Variants in AK2 observed in about 807,000 individuals in gnomAD.
The protein encoded by AK2 is adenylate kinase 2.
A neutral mutation model predicts 24.6 loss-of-function variants in AK2; 15 were observed. That is an observed-to-expected ratio of 0.61 (90% CI 0.41 to 0.94). The LOEUF (loss-of-function observed/expected upper bound fraction) is 0.94, where lower values mean the gene tolerates loss of function less well. Ranked by LOEUF, AK2 falls within the 40% of genes least tolerant of loss-of-function variation. The pLI, the probability that AK2 is intolerant of heterozygous loss-of-function variation, is 0.00. For synonymous variants in AK2, 102 were observed against 114.0 expected, an observed-to-expected ratio of 0.90 and a Z score of 0.67; for missense variants, 257 against 304.1, an observed-to-expected ratio of 0.85 and a Z score of 1.15.
chr1:33,014,157 C>T (rs757583973), intron 5 of AK2, among the ~76,000 whole-genome samples: 2 of 152,182 alleles, frequency 1.3e-5, no homozygotes, highest in Non-Finnish European at 2.9e-5. Context: ...AACTTCTCTT[C>T]AGTGCCACAC....
Position 33,009,383 on chromosome 1 carries a change from G to A in AK2, c.*3798C>T. ...AGAGTGTTAAAGAAGCAACTGAAAA[G>A]GTAGTCAAAGATCTGGCTTAAGGAT... On this transcript the variant is annotated 3_prime_UTR_variant, in exon 6 of 6. Coordinates refer to ENST00000672715, the MANE Select transcript of AK2 (RefSeq NM_001625.4). 2.2e-6 allele frequency: 1 copy of A among 454,058 alleles called. No individual in the cohort carries two copies. The highest frequency in any genetic ancestry group is 4.4e-6 in the Non-Finnish European group (1 of 226,776). 28.1% of individuals were successfully genotyped at this position (454,058 alleles called of 1,614,324 possible).
chr1:33,034,220 C>T (rs1435278000), intron 1 of AK2, among the ~76,000 whole-genome samples: 1 of 152,210 alleles, frequency 6.6e-6, no homozygotes, highest in East Asian at 1.9e-4. Context: ...CTAATCACAT[C>T]TCCTCTATTT....
In AK2 at chr1:33,010,092, C is replaced by T. The variant is rs1176976764; in HGVS notation, c.*3089G>A. ...GATGACATAGCTTAGGACACTTGCT[C>T]ATTTATTTAAAAGAGTCCCTTCACA... On this transcript the variant is annotated 3_prime_UTR_variant, in exon 6 of 6. Coordinates refer to ENST00000672715, the MANE Select transcript of AK2 (RefSeq NM_001625.4). 2 of 454,494 alleles carry T rather than the reference C, an allele frequency of 4.4e-6. No homozygotes were observed. The highest frequency in any genetic ancestry group is 8.8e-6 in the Non-Finnish European group (2 of 226,810). 28.2% of individuals were successfully genotyped at this position (454,494 alleles called of 1,614,324 possible). A position where few individuals can be genotyped will look rare whatever the true frequency, so the allele number is the denominator to read the frequency against.
chr1:33,015,586 T>C (rs1445792200), intron 4 of AK2, among the ~76,000 whole-genome samples: 3 of 152,232 alleles, frequency 2.0e-5, no homozygotes, highest in African/African-American at 7.2e-5. Context: ...TTTTTCACCA[T>C]TTGGCAGGCA....
intron 1 of AK2, among the ~76,000 whole-genome samples, chr1:33,036,357 T>A (rs1321373515): frequency 2.6e-5 from 4 of 151,960 alleles, no homozygotes; most frequent in Non-Finnish European, 5.9e-5. Context: ...ACAATTCACC[T>A]CCAACTCGCA....
chr1:33,011,179 G>T lies in AK2; in HGVS notation c.*2002C>A, dbSNP rs1638797467. On this transcript the variant is annotated 3_prime_UTR_variant, in exon 6 of 6. Transcript: ENST00000672715. ...GCACATAAAATTAGCAAACATTCAA[G>T]AACCTCAACTTTGAGGCCAAGTGCT... 7.6e-7 allele frequency: 1 copy of T among 1,318,066 alleles called. No individual in the cohort carries two copies. Among genetic ancestry groups the T allele is most frequent in the Non-Finnish European group, 9.8e-7 (1 of 1,022,832 alleles). The allele number at this position is 1,318,066 out of a possible 1,614,324, so 81.6% of individuals were successfully genotyped here.
At chr1:33,036,649 C>T (rs1640600353) in intron 1 of AK2, 87 bp downstream of exon 1, 1 of 1,295,800 alleles carries the variant, frequency 7.7e-7, no homozygotes, top group Admixed American at 2.0e-5. Context: ...CGGCCCGCTC[C>T]GGGCAGGTCC....
At position 33,008,392 on chromosome 1, in the gene AK2, G is replaced by T; in HGVS notation, c.*4789C>A. 2.2e-6 allele frequency: 1 copy of T among 454,106 alleles called. No individual in the cohort carries two copies. The highest frequency in any genetic ancestry group is 1.6e-5 in the South Asian group (1 of 64,480). 28.1% of individuals were successfully genotyped at this position (454,106 alleles called of 1,614,324 possible). On this transcript the variant is annotated 3_prime_UTR_variant, in exon 6 of 6. Coordinates refer to ENST00000672715, the MANE Select transcript of AK2 (RefSeq NM_001625.4). ...TTCTGAGGAGGCTGCTCTCCATCCT[G>T]CTGTGTTCTGTCAGTGACACTTTGT...
At chr1:33,014,474 GA>G (rs1557613110) in intron 5 of AK2, 47 bp downstream of exon 5, 2 of 1,416,542 alleles carry the variant, frequency 1.4e-6, no homozygotes, top group Non-Finnish European at 2.0e-6. Flanking sequence ...AAACAGTGAA[GA>G]AAGGGGAAGG....
Position 33,013,135 on chromosome 1 carries a change from C to T in AK2, c.*46G>A, listed in dbSNP as rs1408301864. 6.2e-7 allele frequency: 1 copy of T among 1,613,840 alleles called. No homozygotes were observed. Among genetic ancestry groups the T allele is most frequent in the African/African-American group, 1.3e-5 (1 of 74,920 alleles). On this transcript the variant is annotated 3_prime_UTR_variant, in exon 6 of 6. Transcript: ENST00000672715. ...TCTTTGCCTGTCCTATCATTCCCAC[C>T]CATTGCCTCACAGGGATGGAAAGAA...
At chr1:33,019,282 G>T (rs1639385021) in intron 4 of AK2, among the ~76,000 whole-genome samples, 1 of 152,112 alleles carries the variant, frequency 6.6e-6, no homozygotes, top group African/African-American at 2.4e-5. Context: ...GCCTCTCGTG[G>T]TCCTCTGCTC....
At chr1:33,028,504 GA>G (rs1188182797) in intron 1 of AK2, among the ~76,000 whole-genome samples, 12,636 of 129,644 alleles carry the variant, frequency 0.097, 1,505 homozygotes, top group African/African-American at 0.3. Context: ...TCCGTCTCAA[GA>G]AAAAAAAAAA....
At chr1:33,028,857 T>C (rs2268693) in intron 1 of AK2, among the ~76,000 whole-genome samples, 33,097 of 152,076 alleles carry the variant, frequency 0.22, 4,461 homozygotes, top group Admixed American at 0.36. Flanking sequence ...AAGTTTATGA[T>C]TGAGTGGCTC....
chr1:33,013,549 A>G, intron 5 of AK2, 147 bp from the exon 6 acceptor site: 4 of 1,442,556 alleles, frequency 2.8e-6, no homozygotes, highest in Non-Finnish European at 1.9e-6. Flanking sequence ...GGCAATCCAG[A>G]CCCTCTCCAG....
rs1302563168 is a variant in AK2, at chr1:33,012,900, A to G, written c.*281T>C. ...GTGGCAGAGCGAAACCTTGTCTCAA[A>G]ACAACAACAAAAAAGAAGTAAACAG... is the stretch of plus-strand genomic sequence containing the variant. On this transcript the variant is annotated 3_prime_UTR_variant, in exon 6 of 6. Transcript: ENST00000672715. 7.3e-7 allele frequency: 1 copy of G among 1,374,162 alleles called. No individual in the cohort carries two copies. The highest frequency in any genetic ancestry group is 9.6e-7 in the Non-Finnish European group (1 of 1,044,106). 85.1% of individuals were successfully genotyped at this position (1,374,162 alleles called of 1,614,324 possible).
chr1:33,024,886 C>G (rs1276722202), intron 1 of AK2, among the ~76,000 whole-genome samples: 4 of 152,118 alleles, frequency 2.6e-5, no homozygotes, highest in Non-Finnish European at 5.9e-5. Flanking sequence ...TCAGTTTCCC[C>G]ATTATAAATG....
rs1296788388 is a variant in AK2 at position 33,012,979 on chromosome 1, T to C, written c.*202A>G. 2.5e-6 allele frequency: 4 copies of C among 1,577,832 alleles called. No homozygotes were observed. In the Admixed American group the frequency reaches 6.9e-5, roughly 27 times the overall value. On this transcript the variant is annotated 3_prime_UTR_variant, in exon 6 of 6. Coordinates refer to ENST00000672715, the MANE Select transcript of AK2 (RefSeq NM_001625.4). Reference sequence around the variant, plus strand: ...CAAAGTAGCAGAGTGAACACATATGTGCATGCACACACACACACACACAAC... The same window carrying C: ...CAAAGTAGCAGAGTGAACACATATGCGCATGCACACACACACACACACAAC...
chr1:33,016,967 A>G (rs1415473234), intron 4 of AK2, among the ~76,000 whole-genome samples: 1 of 151,064 alleles, frequency 6.6e-6, no homozygotes, highest in African/African-American at 2.4e-5. Context: ...GGCCTCCCAA[A>G]GTGTTAGGAT....
At chr1:33,021,486 T>C in intron 3 of AK2, 25 bp from the exon 4 acceptor site, 1 of 1,610,936 alleles carries the variant, frequency 6.2e-7, no homozygotes, top group Non-Finnish European at 8.5e-7. Flanking sequence ...GTGGCCCACC[T>C]AAGCTACCAG....
Sources: allele counts gnomAD v4.1 joint callset (sites outside exome capture counted in the v4.1 genomes callset), GRCh38; gene constraint gnomAD v4.1.1; transcripts MANE v1.5; gene names NCBI Gene and HGNC (gene_info 2026-07-23, HGNC 2026-07-21).